ITGAV: variants seen among roughly 807,000 people sequenced by gnomAD.
ITGAV encodes integrin alpha-V.
Under a neutral mutation model 143.8 loss-of-function variants are expected in ITGAV, and 76 were observed. The ratio of observed to expected loss-of-function variants is 0.53; its 90% CI spans 0.44 to 0.64. The LOEUF (loss-of-function observed/expected upper bound fraction) is 0.64. Ranked by LOEUF, ITGAV falls within the 30% of genes least tolerant of loss-of-function variation. ITGAV has a pLI of 0.00. For synonymous variants in ITGAV, 453 were observed against 446.7 expected (o/e 1.01, Z -0.18); for missense variants, 1,193 against 1,274.7 (o/e 0.94, Z 0.98).
At chr2:186,592,491 A>G (rs1686640740) in intron 1 of ITGAV, among the ~76,000 whole-genome samples, 1 of 152,180 alleles carries the variant, frequency 6.6e-6, no homozygotes, top group Non-Finnish European at 1.5e-5. Context: ...AGTTGATGGC[A>G]GTGTTTTACA....
At chr2:186,606,346 C>T (rs1359857861) in intron 2 of ITGAV, among the ~76,000 whole-genome samples, 2 of 152,198 alleles carry the variant, frequency 1.3e-5, no homozygotes, top group African/African-American at 4.8e-5. Context: ...CAGCTGTTGA[C>T]GTTGCACGGG....
chr2:186,619,439 A>G (rs1481594349), intron 2 of ITGAV, among the ~76,000 whole-genome samples: 1 of 152,184 alleles, frequency 6.6e-6, no homozygotes, highest in East Asian at 1.9e-4. Flanking sequence ...GTTTAAAGAC[A>G]CAAAATTACA....
chr2:186,598,836 C>T (rs1419346196), intron 1 of ITGAV, among the ~76,000 whole-genome samples: 2 of 152,060 alleles, frequency 1.3e-5, no homozygotes, highest in African/African-American at 4.8e-5. Context: ...TTTACTGATG[C>T]CAGATATGAC....
intron 21 of ITGAV, 68 bp downstream of exon 21, chr2:186,665,286 A>G: frequency 2.0e-6 from 2 of 1,001,234 alleles, no homozygotes; most frequent in Non-Finnish European, 3.1e-6. Flanking sequence ...GTCTGGGCTC[A>G]TAGTAATTTT....
intron 10 of ITGAV, among the ~76,000 whole-genome samples, chr2:186,639,075 T>A (rs1419054654): frequency 6.6e-6 from 1 of 152,174 alleles, no homozygotes; most frequent in Non-Finnish European, 1.5e-5. Flanking sequence ...ATGTGTATTA[T>A]AGATATTATA....
chr2:186,654,937 C>A (rs776996281), intron 16 of ITGAV, among the ~76,000 whole-genome samples: 1 of 152,108 alleles, frequency 6.6e-6, no homozygotes, highest in Non-Finnish European at 1.5e-5. Context: ...AAATAGCCCA[C>A]AGAATGGTAA....
chr2:186,600,170 A>G, intron 1 of ITGAV: 1 of 595,490 alleles, frequency 1.7e-6, no homozygotes, highest in Non-Finnish European at 2.9e-6. Flanking sequence ...ATCTTGTGCC[A>G]CTCCCGGCTT....
rs201241523 is a variant in ITGAV, at chr2:186,651,996, T to C, written c.1412T>C (p.Ile471Thr). 7 of 1,609,644 alleles carry C rather than the reference T, an allele frequency of 4.3e-6. No individual in the cohort carries two copies. The East Asian group carries it at 1.6e-4, about 36-fold the overall frequency. ...RAILYRARPV[I>T]TVNAGLEVYP... Reference sequence around the variant, plus strand: ...TCCCCCGCTAGGGCCAGACCAGTTATCACTGTAAATGCTGGTCTTGAAGTG... The same window carrying C: ...TCCCCCGCTAGGGCCAGACCAGTTACCACTGTAAATGCTGGTCTTGAAGTG... The change falls in exon 15 of 30, where the codon ATC (isoleucine) becomes ACC (threonine). Residue 471 changes from isoleucine to threonine, a missense_variant. Physicochemically the swap from Ile to Thr is moderately conservative, Grantham distance 89. Coordinates refer to ENST00000261023, the MANE Select transcript of ITGAV (RefSeq NM_002210.5).
rs61765188 is a variant in ITGAV at position 186,646,026 on chromosome 2, G to A, written c.1160-660G>A. 8.2e-3 allele frequency among the ~76,000 whole-genome samples: 1,245 copies of A among 152,104 alleles called. 17 individuals carry two copies. Among genetic ancestry groups the A allele is most frequent in the African/African-American group, 0.028 (1,164 of 41,514 alleles). Reference sequence around the variant, plus strand: ...AAAAGGCTGTTTAAGTGCAAAATGCGGCAATGACTTGTCTAGGGTGGCAGC... The same window carrying A: ...AAAAGGCTGTTTAAGTGCAAAATGCAGCAATGACTTGTCTAGGGTGGCAGC... On this transcript the variant is annotated intron_variant, in intron 12 of 29. Transcript: ENST00000261023.
chr2:186,623,581 C>T (rs576377343), intron 3 of ITGAV, among the ~76,000 whole-genome samples: 3 of 152,186 alleles, frequency 2.0e-5, no homozygotes, highest in African/African-American at 4.8e-5. Context: ...AAGTATAATC[C>T]CCAAATCTAT....
chr2:186,674,731 C>T (rs898790828), intron 26 of ITGAV, among the ~76,000 whole-genome samples: 5 of 151,996 alleles, frequency 3.3e-5, no homozygotes, highest in African/African-American at 7.2e-5. Flanking sequence ...AGGCTGGTCT[C>T]GAACTCCTGA....
At chr2:186,625,209 TA>T (rs869305014) in intron 3 of ITGAV, among the ~76,000 whole-genome samples, 1 of 151,878 alleles carries the variant, frequency 6.6e-6, no homozygotes, top group East Asian at 1.9e-4. Flanking sequence ...CCCGTTTCTA[TA>T]AAAAAATTTT....
In ITGAV at chr2:186,633,226, C is replaced by T. The variant is rs112424111; in HGVS notation, c.586-103C>T. On this transcript the variant is annotated intron_variant, in intron 5 of 29. Coordinates refer to ENST00000261023, the MANE Select transcript of ITGAV (RefSeq NM_002210.5). ...AAGATACAATACTGTATTGTTCAGTCATGTATACATATACATATATATCTT... is the reference window on the plus strand; with the variant it reads ...AAGATACAATACTGTATTGTTCAGTTATGTATACATATACATATATATCTT... The T allele has an allele frequency of 5.5e-4, 315 of 568,122 alleles. 1 individual carries two copies. Among genetic ancestry groups the T allele is most frequent in the African/African-American group, 4.7e-3 (247 of 52,690 alleles). 35.2% of individuals were successfully genotyped at this position (568,122 alleles called of 1,614,324 possible). A position where few individuals can be genotyped will look rare whatever the true frequency, so the allele number is the denominator to read the frequency against.
intron 26 of ITGAV, among the ~76,000 whole-genome samples, chr2:186,672,230 G>A (rs558262768): frequency 3.9e-5 from 6 of 152,208 alleles, no homozygotes; most frequent in African/African-American, 1.4e-4. Flanking sequence ...GATTACAGGC[G>A]TGAACTACCA....
chr2:186,636,355 G>T, intron 7 of ITGAV, 148 bp downstream of exon 7: 1 of 619,278 alleles, frequency 1.6e-6, no homozygotes, highest in Non-Finnish European at 2.7e-6. Flanking sequence ...AATTGTTAAT[G>T]AGTACTTTGG....
In ITGAV at chr2:186,649,499, C is replaced by T. The variant is rs532221296; in HGVS notation, c.1352-341C>T. ...TATAGAAAATAGAAAGGAAATTTTACAGTAAGATTGTAAAATCCACAGGCG... is the reference window on the plus strand; with the variant it reads ...TATAGAAAATAGAAAGGAAATTTTATAGTAAGATTGTAAAATCCACAGGCG... On this transcript the variant is annotated intron_variant, in intron 13 of 29. Coordinates refer to ENST00000261023, the MANE Select transcript of ITGAV (RefSeq NM_002210.5). Among the ~76,000 whole-genome samples the T allele has an allele frequency of 9.2e-5, 14 of 152,182 alleles. No homozygotes were observed. In the South Asian group the frequency reaches 2.9e-3, roughly 32 times the overall value.
intron 24 of ITGAV, 55 bp from the exon 25 acceptor site, chr2:186,668,707 A>G (rs1405333399): frequency 5.3e-6 from 8 of 1,513,844 alleles, no homozygotes; most frequent in Non-Finnish European, 7.3e-6. Context: ...TAGGGGAAGG[A>G]TTATGGAACA....
intron 20 of ITGAV, among the ~76,000 whole-genome samples, chr2:186,664,858 A>G (rs1384444566): frequency 6.6e-6 from 1 of 152,196 alleles, no homozygotes; most frequent in Non-Finnish European, 1.5e-5. Context: ...AAGTGCCTGG[A>G]AACAAGGTTA....
intron 2 of ITGAV, among the ~76,000 whole-genome samples, chr2:186,608,619 GA>G (rs1361120320): frequency 1.3e-5 from 2 of 151,706 alleles, no homozygotes; most frequent in Non-Finnish European, 2.9e-5. Flanking sequence ...ATTTTTTGTT[GA>G]TTTTTTTTTT....
Sources: gnomAD v4.1 joint callset for allele counts (sites outside exome capture counted in the v4.1 genomes callset) on GRCh38, gnomAD v4.1.1 for gene constraint, MANE v1.5 for transcripts, NCBI Gene and HGNC (gene_info 2026-07-23, HGNC 2026-07-21) for gene names.